The following ATP11A variants were observed in gnomAD, a reference collection of about 807,000 sequenced individuals.
The protein encoded by ATP11A is phospholipid-transporting ATPase IH.
ATP11A carries 81 observed loss-of-function variants against 154.4 expected under a neutral mutation model. The ratio of observed to expected loss-of-function variants is 0.52; its 90% CI spans 0.44 to 0.63. The LOEUF is 0.63. Ranked by LOEUF, ATP11A falls within the 30% of genes least tolerant of loss-of-function variation. The pLI, the probability that ATP11A is intolerant of heterozygous loss-of-function variation, is 0.00. For missense variants in ATP11A, 1,316 were observed against 1,474.3 expected (o/e 0.89, Z 1.76); for synonymous variants, 623 against 585.9 (o/e 1.06, Z -0.91).
chr13:112,852,194 A>G lies in ATP11A; in HGVS notation c.1991+976A>G, dbSNP rs182194091. On this transcript the variant is annotated intron_variant, in intron 18 of 29. Transcript: ENST00000375645. ...GGAATGGAAGAAAAAAAATGCCCCAATTGATGAGAATGAAGCAGAAACTTC... is the reference window on the plus strand; with the variant it reads ...GGAATGGAAGAAAAAAAATGCCCCAGTTGATGAGAATGAAGCAGAAACTTC... 1.0e-3 allele frequency among the ~76,000 whole-genome samples: 152 copies of G among 152,276 alleles called. 1 individual carries two copies. The highest frequency in any genetic ancestry group is 3.4e-3 in the African/African-American group (140 of 41,558).
chr13:112,871,144 T>C (rs545612863), intron 25 of ATP11A, among the ~76,000 whole-genome samples: 15 of 152,278 alleles, frequency 9.9e-5, no homozygotes, highest in African/African-American at 3.6e-4. Flanking sequence ...CATGGGTGCC[T>C]GGGGTGTTTC....
At chr13:112,767,302 AG>A (rs1210745197) in intron 1 of ATP11A, among the ~76,000 whole-genome samples, 1 of 6,136 alleles carries the variant, frequency 1.6e-4, no homozygotes. Flanking sequence ...GAAGGTGGGG[AG>A]GATGTGGGGG....
At chr13:112,803,889 T>C in intron 2 of ATP11A, among the ~76,000 whole-genome samples, 1 of 89,132 alleles carries the variant, frequency 1.1e-5, no homozygotes, top group Admixed American at 1.3e-4. Flanking sequence ...CTTCCCTCAT[T>C]CCCCTCCTTC....
chr13:112,825,184 CCT>C (rs969656311), intron 10 of ATP11A, among the ~76,000 whole-genome samples: 3 of 152,120 alleles, frequency 2.0e-5, no homozygotes, highest in African/African-American at 7.2e-5. Flanking sequence ...TGTGAGCAGC[CCT>C]CTCTCTCCTG....
chr13:112,818,905 C>G (rs1207300462), intron 6 of ATP11A, among the ~76,000 whole-genome samples: 1 of 152,196 alleles, frequency 6.6e-6, no homozygotes, highest in Non-Finnish European at 1.5e-5. Flanking sequence ...CAGGTTGTTG[C>G]CGAGAAGTGA....
intron 25 of ATP11A, among the ~76,000 whole-genome samples, chr13:112,863,551 C>T (rs1428873915): frequency 1.3e-4 from 19 of 150,066 alleles, no homozygotes; most frequent in African/African-American, 4.4e-4. Flanking sequence ...AGCTTCCCAG[C>T]GGGATCCATC....
intron 28 of ATP11A, among the ~76,000 whole-genome samples, chr13:112,876,974 T>C (rs1201356672): frequency 2.0e-5 from 3 of 152,210 alleles, no homozygotes; most frequent in African/African-American, 7.2e-5. Flanking sequence ...TTGGTGCCGA[T>C]TTGAAATGTT....
rs545331045 is a variant in ATP11A, at chr13:112,752,491, C to T, written c.40-32644C>T. ...CCTGTGCCTGGTGGGCGCCCCTGTGCGGAGCGGGCTGTGAGGGACGGGGGC... is the reference window on the plus strand; with the variant it reads ...CCTGTGCCTGGTGGGCGCCCCTGTGTGGAGCGGGCTGTGAGGGACGGGGGC... On this transcript the variant is annotated intron_variant, in intron 1 of 29. Coordinates refer to ENST00000375645, the MANE Select transcript of ATP11A (RefSeq NM_015205.3). Among the ~76,000 whole-genome samples the T allele has an allele frequency of 6.7e-3, 1,022 of 152,202 alleles. 31 individuals are homozygous for T. Among genetic ancestry groups the T allele is most frequent in the Non-Finnish European group, 3.4e-3 (230 of 68,000 alleles).
rs2140146081 is a variant in ATP11A at position 112,807,295 on chromosome 13, G to T, written c.333+1002G>T. 6.6e-6 allele frequency among the ~76,000 whole-genome samples: 1 copy of T among 152,354 alleles called. No individual in the cohort carries two copies. Among genetic ancestry groups the T allele is most frequent in the Middle Eastern group, 3.4e-3 (1 of 294 alleles). ...ACATGCAGCTGTGCAGTCAGTACAT[G>T]GGGCCTGTGTGTCTTCACTAGGCCA... On this transcript the variant is annotated intron_variant, in intron 4 of 29. Transcript: ENST00000375645. The surrounding 1 kb of genome is among the most constrained non-coding windows in gnomAD (Gnocchi z 4.5).
intron 1 of ATP11A, among the ~76,000 whole-genome samples, chr13:112,773,846 G>T (rs2077283123): frequency 6.6e-6 from 1 of 152,308 alleles, no homozygotes; most frequent in Admixed American, 6.5e-5. Flanking sequence ...GTGCACCTGT[G>T]CGGGATTTCC....
chr13:112,877,252 G>A (rs895585601), intron 28 of ATP11A, among the ~76,000 whole-genome samples: 12 of 152,202 alleles, frequency 7.9e-5, no homozygotes, highest in African/African-American at 1.9e-4. Flanking sequence ...CTGAGACTCC[G>A]CGGCCCCCAG....
chr13:112,774,246 A>T (rs887589841), intron 1 of ATP11A, among the ~76,000 whole-genome samples: 12 of 152,312 alleles, frequency 7.9e-5, no homozygotes, highest in African/African-American at 2.6e-4. Context: ...TTTACTTGTC[A>T]CATCAGCTGA....
intron 1 of ATP11A, among the ~76,000 whole-genome samples, chr13:112,695,321 T>C (rs1358287754): frequency 6.6e-6 from 1 of 152,210 alleles, no homozygotes; most frequent in African/African-American, 2.4e-5. Flanking sequence ...CGTAAAGTGT[T>C]CATAATGAAC....
intron 1 of ATP11A, among the ~76,000 whole-genome samples, chr13:112,756,122 C>A (rs888933656): frequency 1.3e-5 from 2 of 152,252 alleles, no homozygotes; most frequent in Non-Finnish European, 2.9e-5. Flanking sequence ...TTCTTAGCAA[C>A]CCTGGTGTTG....
At chr13:112,719,547 C>A (rs1376703120) in intron 1 of ATP11A, among the ~76,000 whole-genome samples, 1 of 152,128 alleles carries the variant, frequency 6.6e-6, no homozygotes, top group African/African-American at 2.4e-5. Context: ...AACGGGGCAG[C>A]GTCCGTTCTA....
chr13:112,853,103 C>G (rs1238744121), intron 18 of ATP11A, among the ~76,000 whole-genome samples: 4 of 152,040 alleles, frequency 2.6e-5, no homozygotes, highest in Non-Finnish European at 5.9e-5. Flanking sequence ...ACCTGTTGTC[C>G]TAGCTACTTG....
At chr13:112,839,142 A>G (rs1407418954) in intron 16 of ATP11A, among the ~76,000 whole-genome samples, 2 of 152,052 alleles carry the variant, frequency 1.3e-5, no homozygotes, top group Admixed American at 6.5e-5. Flanking sequence ...GTCACAGGCC[A>G]CTCGGCTGCA....
At chr13:112,784,564 C>T (rs1285170312) in intron 1 of ATP11A, among the ~76,000 whole-genome samples, 1 of 151,502 alleles carries the variant, frequency 6.6e-6, no homozygotes, top group Non-Finnish European at 1.5e-5. Flanking sequence ...CGCTCTGTCC[C>T]CCAGGCTGGA....
chr13:112,836,746 C>T (rs1340158407), intron 16 of ATP11A, among the ~76,000 whole-genome samples: 2 of 152,240 alleles, frequency 1.3e-5, no homozygotes, highest in East Asian at 1.9e-4. Context: ...ACAGCACACT[C>T]GGTTCGTGCT....
Sources: allele counts gnomAD v4.1 joint callset (sites outside exome capture counted in the v4.1 genomes callset), GRCh38; gene constraint gnomAD v4.1.1; non-coding constraint Gnocchi (gnomAD v3.1); transcripts MANE v1.5; gene names NCBI Gene and HGNC (gene_info 2026-07-23, HGNC 2026-07-21).